ITPR2: variants seen among roughly 807,000 people sequenced by gnomAD.
The protein encoded by ITPR2 is inositol 1,4,5-trisphosphate-gated calcium channel ITPR2.
ITPR2 carries 207 observed loss-of-function variants against 317.1 expected under a neutral mutation model. The observed-to-expected ratio is 0.65, with a 90% confidence interval of 0.58 to 0.73. ITPR2 has a LOEUF of 0.73. ITPR2 is among the 30% of genes least tolerant of loss of function. The probability of loss-of-function intolerance (pLI) is 0.00; values close to 1 mark genes in which losing one functional copy is unlikely to be tolerated. For synonymous variants in ITPR2, 1,156 were observed against 1,149.1 expected, an observed-to-expected ratio of 1.01 and a Z score of -0.12; for missense variants, 2,613 against 3,284.0, an observed-to-expected ratio of 0.80 and a Z score of 4.99.
intron 42 of ITPR2, among the ~76,000 whole-genome samples, chr12:26,481,986 G>C (rs10161085): frequency 0.086 from 13,091 of 152,150 alleles, 1,128 homozygotes; most frequent in African/African-American, 0.21. Flanking sequence ...AGGAACTTGC[G>C]AGCCAGATTT....
chr12:26,701,440 A>C (rs1356128617), intron 9 of ITPR2, among the ~76,000 whole-genome samples: 11 of 152,230 alleles, frequency 7.2e-5, no homozygotes, highest in Non-Finnish European at 1.3e-4. Context: ...ATTTCAGGAC[A>C]AATCTATTAT....
At chr12:26,727,612 G>A (rs1224793766) in intron 2 of ITPR2, among the ~76,000 whole-genome samples, 1 of 152,240 alleles carries the variant, frequency 6.6e-6, no homozygotes, top group African/African-American at 2.4e-5. Context: ...AGTGGTGGCT[G>A]AGGTCACTGT....
intron 37 of ITPR2, among the ~76,000 whole-genome samples, chr12:26,532,664 T>C (rs1401478135): frequency 5.9e-5 from 9 of 152,122 alleles, no homozygotes; most frequent in African/African-American, 2.2e-4. Flanking sequence ...TAATGATGAA[T>C]TGATGAAATG....
intron 45 of ITPR2, among the ~76,000 whole-genome samples, chr12:26,467,991 C>A (rs1356415409): frequency 2.0e-5 from 3 of 152,220 alleles, no homozygotes; most frequent in Non-Finnish European, 2.9e-5. Context: ...TTTTGTAGAT[C>A]CACTACTAAT....
At chr12:26,604,435 G>A (rs996645466) in intron 26 of ITPR2, among the ~76,000 whole-genome samples, 6 of 152,028 alleles carry the variant, frequency 3.9e-5, no homozygotes, top group African/African-American at 1.5e-4. Context: ...GTGTCTCCAA[G>A]AACAAAATTT....
At chr12:26,644,327 A>T (rs887532470) in intron 21 of ITPR2, among the ~76,000 whole-genome samples, 4 of 152,134 alleles carry the variant, frequency 2.6e-5, no homozygotes, top group Non-Finnish European at 5.9e-5. Context: ...TGCTGCCTCC[A>T]CCTGGATTTC....
chr12:26,401,510 CAT>C (rs1308990434), intron 52 of ITPR2, among the ~76,000 whole-genome samples: 1 of 152,142 alleles, frequency 6.6e-6, no homozygotes, highest in Non-Finnish European at 1.5e-5. Flanking sequence ...CAACTTGAAA[CAT>C]AATTTCTTAG....
At chr12:26,783,816 C>G (rs1950140589) in intron 2 of ITPR2, among the ~76,000 whole-genome samples, 1 of 150,770 alleles carries the variant, frequency 6.6e-6, no homozygotes, top group African/African-American at 2.4e-5. Context: ...AAGCATCAGA[C>G]AGACACACAA....
intron 37 of ITPR2, among the ~76,000 whole-genome samples, chr12:26,529,600 C>T (rs571072432): frequency 1.3e-5 from 2 of 152,314 alleles, no homozygotes; most frequent in East Asian, 1.9e-4. Flanking sequence ...CCTATAATCA[C>T]GCTGCCTGGG....
chr12:26,401,915 C>T (rs1217475254), intron 52 of ITPR2, among the ~76,000 whole-genome samples: 1 of 152,220 alleles, frequency 6.6e-6, no homozygotes, highest in Non-Finnish European at 1.5e-5. Context: ...GATGAAGGTG[C>T]AAGTGCAAAA....
At position 26,524,387 on chromosome 12, in the gene ITPR2, T is replaced by A. The variant is rs570568388; in HGVS notation, c.5073+25860A>T. ...ATTTGCAGGGATTAATCAAAAAATA[T>A]GCACAACTATGAAATATTATGTACA... On this transcript the variant is annotated intron_variant, in intron 37 of 56. Coordinates refer to ENST00000381340, the MANE Select transcript of ITPR2 (RefSeq NM_002223.4). Among the ~76,000 whole-genome samples the A allele has an allele frequency of 3.9e-5, 6 of 152,336 alleles. No homozygotes were observed. In the East Asian group the frequency reaches 1.2e-3, roughly 29 times the overall value.
At chr12:26,586,675 T>C (rs1327815086) in intron 32 of ITPR2, among the ~76,000 whole-genome samples, 2 of 152,222 alleles carry the variant, frequency 1.3e-5, no homozygotes, top group East Asian at 1.9e-4. Context: ...CAGTCATTTT[T>C]ACTTCAAATC....
chr12:26,439,697 T>C (rs1217194293), intron 46 of ITPR2, among the ~76,000 whole-genome samples: 2 of 152,210 alleles, frequency 1.3e-5, no homozygotes, highest in Non-Finnish European at 2.9e-5. Flanking sequence ...GCTTATGTTA[T>C]TTGTATCTTG....
At chr12:26,416,362 T>C (rs983703829) in intron 50 of ITPR2, among the ~76,000 whole-genome samples, 13 of 152,172 alleles carry the variant, frequency 8.5e-5, no homozygotes, top group Admixed American at 7.2e-4. Flanking sequence ...TGCAATAAAA[T>C]CACATTCACT....
intron 45 of ITPR2, among the ~76,000 whole-genome samples, chr12:26,471,980 T>C (rs1000108571): frequency 1.3e-5 from 2 of 152,186 alleles, no homozygotes; most frequent in African/African-American, 4.8e-5. Context: ...ATCTTAGGGA[T>C]TGGCCTGCTA....
rs138216365 is a variant in ITPR2, at chr12:26,438,901, G to A, written c.6643+226C>T. ...ATTTATTTAAAAATAGGATCATCAT[G>A]AAGAGTCGATGTAATTAGTTAGGGC... On this transcript the variant is annotated intron_variant, in intron 47 of 56. Transcript: ENST00000381340. Among the ~76,000 whole-genome samples the A allele has an allele frequency of 1.0e-3, 152 of 152,316 alleles. 1 individual carries two copies. The highest frequency in any genetic ancestry group is 3.4e-3 in the African/African-American group (142 of 41,566).
chr12:26,715,805 T>G lies in ITPR2; in HGVS notation c.655A>C (p.Lys219Gln). The change falls in exon 7 of 57, where the codon AAA (lysine) becomes CAA (glutamine). Residue 219 changes from lysine (K) to glutamine (Q), a missense_variant. This residue lies in a region of ITPR2 where 515 missense variants were observed against 789.4 expected (regional missense o/e 0.65). Coordinates refer to ENST00000381340, the MANE Select transcript of ITPR2 (RefSeq NM_002223.4). Reference protein sequence around the residue: ...VNAVNCNTSWKITLFMKYSSY... With the variant: ...VNAVNCNTSWQITLFMKYSSY... ...CTATATTTCATGAATAAAGTGATTT[T>G]CCAGCTGGTGTTGCAATTGACAGCA... 6.2e-7 allele frequency: 1 copy of G among 1,611,240 alleles called. No individual in the cohort carries two copies. The highest frequency in any genetic ancestry group is 1.7e-4 in the Middle Eastern group (1 of 6,050).
At chr12:26,729,316 T>C (rs545540895) in intron 2 of ITPR2, among the ~76,000 whole-genome samples, 6 of 152,168 alleles carry the variant, frequency 3.9e-5, no homozygotes, top group African/African-American at 1.2e-4. Context: ...AAATAACAGA[T>C]GCTAGTGAGG....
chr12:26,386,557 C>T (rs1219652623), intron 55 of ITPR2, among the ~76,000 whole-genome samples: 3 of 151,856 alleles, frequency 2.0e-5, no homozygotes, highest in African/African-American at 7.3e-5. Context: ...AGCATTGGTG[C>T]AAATATTGGT....
Sources: gnomAD v4.1 joint callset for allele counts (sites outside exome capture counted in the v4.1 genomes callset) on GRCh38, gnomAD v4.1.1 for gene constraint, gnomAD v4.1.1 regional missense constraint, MANE v1.5 for transcripts, NCBI Gene and HGNC (gene_info 2026-07-23, HGNC 2026-07-21) for gene names.